Variants in MBOAT2 observed in about 807,000 individuals in gnomAD.
The protein encoded by MBOAT2 is membrane-bound glycerophospholipid O-acyltransferase 2.
MBOAT2 carries 28 observed loss-of-function variants against 63.4 expected under a neutral mutation model. That is an observed-to-expected ratio of 0.44 (90% CI 0.33 to 0.61). The LOEUF is 0.61. MBOAT2 is among the 20% of genes least tolerant of loss of function. MBOAT2 has a pLI of 0.03. For missense variants in MBOAT2, 470 were observed against 605.8 expected, an observed-to-expected ratio of 0.78 and a Z score of 2.35; for synonymous variants, 211 against 215.6, an observed-to-expected ratio of 0.98 and a Z score of 0.19.
chr2:9,001,831 G>A (rs1396504994), intron 1 of MBOAT2, among the ~76,000 whole-genome samples: 1 of 152,172 alleles, frequency 6.6e-6, no homozygotes, highest in Non-Finnish European at 1.5e-5. Context: ...GGACGGGTAG[G>A]GCTATGGCAG....
chr2:8,962,872 G>A (rs1669710622), intron 1 of MBOAT2, among the ~76,000 whole-genome samples: 1 of 152,022 alleles, frequency 6.6e-6, no homozygotes, highest in Non-Finnish European at 1.5e-5. Context: ...ATACACACAT[G>A]GGATATGTAA....
intron 4 of MBOAT2, among the ~76,000 whole-genome samples, chr2:8,897,071 A>C (rs945665004): frequency 2.2e-4 from 34 of 152,340 alleles, no homozygotes; most frequent in African/African-American, 8.2e-4. Flanking sequence ...TAGGTTTTAA[A>C]ATTTACCCTG....
At chr2:8,981,656 T>G (rs372900795) in intron 1 of MBOAT2, among the ~76,000 whole-genome samples, 1 of 149,310 alleles carries the variant, frequency 6.7e-6, no homozygotes, top group African/African-American at 2.5e-5. Flanking sequence ...AGAGAGGGGG[T>G]AGGGCAGTGG....
intron 4 of MBOAT2, among the ~76,000 whole-genome samples, chr2:8,893,129 A>G (rs1664143444): frequency 6.7e-6 from 1 of 149,068 alleles, no homozygotes; most frequent in Non-Finnish European, 1.5e-5. Context: ...GCAGGGGGAG[A>G]TGGTGGCTCA....
At position 8,880,407 on chromosome 2, in the gene MBOAT2, C is replaced by G. The variant is rs900897638; in HGVS notation, c.506+2104G>C. ...TAACTGGGTGAAAATGGTGGAGGAA[C>G]AGATGCGGGAGGAGGAAGGAGGAGG... is the stretch of plus-strand genomic sequence containing the variant. On this transcript the variant is annotated intron_variant, in intron 6 of 12. Transcript: ENST00000305997. Among the ~76,000 whole-genome samples, 5 of 152,236 alleles carry G rather than the reference C, an allele frequency of 3.3e-5. No homozygotes were observed. In the East Asian group the frequency reaches 9.6e-4, roughly 29 times the overall value.
intron 1 of MBOAT2, among the ~76,000 whole-genome samples, chr2:9,000,206 A>G (rs560352048): frequency 1.4e-4 from 22 of 152,340 alleles, no homozygotes; most frequent in Admixed American, 1.3e-3. Context: ...CACATACCAA[A>G]TTAACATACT....
In MBOAT2 at chr2:8,972,966, C is replaced by A. The variant is rs572038239; in HGVS notation, c.76-14324G>T. Among the ~76,000 whole-genome samples, 3 of 152,292 alleles carry A rather than the reference C, an allele frequency of 2.0e-5. No homozygotes were observed. The South Asian group carries it at 6.2e-4, about 32-fold the overall frequency. On this transcript the variant is annotated intron_variant, in intron 1 of 12. Coordinates refer to ENST00000305997, the MANE Select transcript of MBOAT2 (RefSeq NM_138799.4). ...CATTGTGGAAGACAATGTGACGATTCCTCAAGGATCTCGAACTAGAAATAC... is the reference window on the plus strand; with the variant it reads ...CATTGTGGAAGACAATGTGACGATTACTCAAGGATCTCGAACTAGAAATAC...
Position 8,990,633 on chromosome 2 carries a change from C to CTA in MBOAT2, c.75+12906_75+12907insTA, listed in dbSNP as rs1008635730. Among the ~76,000 whole-genome samples the CTA allele has an allele frequency of 1.4e-3, 209 of 152,206 alleles. 1 individual carries two copies. The highest frequency in any genetic ancestry group is 4.8e-3 in the African/African-American group (199 of 41,534). On this transcript the variant is annotated intron_variant, in intron 1 of 12. Transcript: ENST00000305997. ...AATATTTCTCCATTAATTTATATTT[C>CTA]TTACACCTTAAAAAGAAACTTGAAT...
chr2:8,978,025 C>T (rs980916673), intron 1 of MBOAT2, among the ~76,000 whole-genome samples: 2 of 152,096 alleles, frequency 1.3e-5, no homozygotes, highest in African/African-American at 4.8e-5. Flanking sequence ...CCTGCCTCTA[C>T]CAGTCAGTCC....
intron 1 of MBOAT2, among the ~76,000 whole-genome samples, chr2:8,976,517 C>T (rs1298389570): frequency 2.0e-5 from 3 of 152,118 alleles, no homozygotes; most frequent in Non-Finnish European, 2.9e-5. Context: ...ACACACATCC[C>T]AAAGCATCAC....
intron 1 of MBOAT2, among the ~76,000 whole-genome samples, chr2:8,980,692 C>A (rs112733663): frequency 6.6e-6 from 1 of 152,122 alleles, no homozygotes; most frequent in East Asian, 1.9e-4. Flanking sequence ...CACCAAGATG[C>A]CTACAATCAA....
chr2:8,865,856 G>T (rs983052002), intron 9 of MBOAT2, among the ~76,000 whole-genome samples: 1 of 152,198 alleles, frequency 6.6e-6, no homozygotes, highest in African/African-American at 2.4e-5. Context: ...GGCCAACATG[G>T]TGAAAAGCTG....
Position 8,864,161 on chromosome 2 carries a change from G to A in MBOAT2, c.1052+9C>T, listed in dbSNP as rs373001215. 12 of 1,569,942 alleles carry A rather than the reference G, an allele frequency of 7.6e-6. No individual in the cohort carries two copies. The East Asian group carries it at 2.3e-4, about 31-fold the overall frequency. ...AGCACATCTAAAGATCGTTTTTGAA[G>A]GAACGCACCTTTTGAGCCAAAGAGC... On this transcript the variant is annotated intron_variant, in intron 10 of 12. Coordinates refer to ENST00000305997, the MANE Select transcript of MBOAT2 (RefSeq NM_138799.4).
intron 6 of MBOAT2, among the ~76,000 whole-genome samples, chr2:8,880,152 C>T (rs749103102): frequency 2.0e-5 from 3 of 151,948 alleles, no homozygotes; most frequent in Admixed American, 6.6e-5. Flanking sequence ...GAAAAGTAGG[C>T]TGCACAGGGC....
intron 1 of MBOAT2, among the ~76,000 whole-genome samples, chr2:8,969,906 C>T (rs371921142): frequency 6.6e-6 from 1 of 152,200 alleles, no homozygotes; most frequent in East Asian, 1.9e-4. Flanking sequence ...CTTAGACTCA[C>T]ACACAATAAT....
intron 1 of MBOAT2, among the ~76,000 whole-genome samples, chr2:8,998,482 C>T (rs747645800): frequency 1.5e-4 from 23 of 152,128 alleles, no homozygotes; most frequent in Admixed American, 8.5e-4. Context: ...CCTGTTTCTT[C>T]ATCTATAAAA....
rs1661033372 is a variant in MBOAT2 at position 8,855,640 on chromosome 2, T to C, written c.*3039A>G. The stretch of plus-strand genomic sequence containing the variant: ...TTAGAAGCTAAATAAATTCCCCCAA[T>C]TACCCTGAGTTCCAATAAAAATACT... On this transcript the variant is annotated 3_prime_UTR_variant, in exon 13 of 13. Coordinates refer to ENST00000305997, the MANE Select transcript of MBOAT2 (RefSeq NM_138799.4). The C allele has an allele frequency of 6.6e-6, 1 of 152,280 alleles. No homozygotes were observed. Among genetic ancestry groups the C allele is most frequent in the African/African-American group, 2.4e-5 (1 of 41,566 alleles). The allele number at this position is 152,280 out of a possible 1,614,324, so 9.4% of individuals were successfully genotyped here. A position where few individuals can be genotyped will look rare whatever the true frequency, so the allele number is the denominator to read the frequency against.
At chr2:8,876,181 G>A (rs1249644867) in intron 7 of MBOAT2, among the ~76,000 whole-genome samples, 1 of 152,202 alleles carries the variant, frequency 6.6e-6, no homozygotes, top group Non-Finnish European at 1.5e-5. Context: ...TTATGAAGCA[G>A]CATCCCAGCA....
chr2:8,872,591 T>A (rs759712711), intron 8 of MBOAT2, among the ~76,000 whole-genome samples: 1 of 152,182 alleles, frequency 6.6e-6, no homozygotes, highest in Non-Finnish European at 1.5e-5. Flanking sequence ...CCACATTCAA[T>A]TAAAGCCACG....
Sources: gnomAD v4.1 joint callset for allele counts (sites outside exome capture counted in the v4.1 genomes callset) on GRCh38, gnomAD v4.1.1 for gene constraint, MANE v1.5 for transcripts, NCBI Gene and HGNC (gene_info 2026-07-23, HGNC 2026-07-21) for gene names.